Variants in CFAP46 observed in about 807,000 individuals in gnomAD.
CFAP46 encodes cilia- and flagella-associated protein 46.
Under a neutral mutation model 325.7 loss-of-function variants are expected in CFAP46, and 245 were observed. That is an observed-to-expected ratio of 0.75 (90% CI 0.68 to 0.84). The LOEUF is 0.84. Among genes scored for constraint, CFAP46 ranks in the 40% least tolerant of loss-of-function variants. The pLI, the probability that CFAP46 is intolerant of heterozygous loss-of-function variation, is 0.00. For missense variants in CFAP46, 3,346 were observed against 3,543.0 expected (o/e 0.94, Z 1.41); for synonymous variants, 1,523 against 1,495.9 (o/e 1.02, Z -0.42).
chr10:132,841,872 G>T (rs748769834), intron 44 of CFAP46, among the ~76,000 whole-genome samples: 46 of 152,220 alleles, frequency 3.0e-4, no homozygotes, highest in Admixed American at 7.2e-4. Flanking sequence ...ATCCACCAGT[G>T]CAATTCTGCC....
At chr10:132,871,260 A>C (rs1157415613) in intron 32 of CFAP46, among the ~76,000 whole-genome samples, 1 of 152,240 alleles carries the variant, frequency 6.6e-6, no homozygotes, top group Non-Finnish European at 1.5e-5. Context: ...GGAGACATAC[A>C]AGGAGACGAA....
At chr10:132,903,277 G>T (rs968929359) in intron 22 of CFAP46, among the ~76,000 whole-genome samples, 1 of 152,174 alleles carries the variant, frequency 6.6e-6, no homozygotes, top group Non-Finnish European at 1.5e-5. Flanking sequence ...CCTGTTTTCT[G>T]CCAGGCCTGG....
At chr10:132,922,426 G>T in intron 12 of CFAP46, 54 bp downstream of exon 12, 1 of 1,492,460 alleles carries the variant, frequency 6.7e-7, no homozygotes. Flanking sequence ...GCCCCGCCCC[G>T]GCCCCATGCT....
intron 50 of CFAP46, among the ~76,000 whole-genome samples, chr10:132,823,676 CTGTGTGCTGA>C (rs1224470164): frequency 9.4e-3 from 984 of 104,710 alleles, no homozygotes; most frequent in South Asian, 0.021. Flanking sequence ...CTGATGTGTG[CTGTGTGCTGA>C]TGTGTGCTGA....
intron 44 of CFAP46, 22 bp from the exon 45 acceptor site, chr10:132,836,936 T>C (rs3750580): frequency 0.39 from 619,052 of 1,580,576 alleles, 125,791 homozygotes; most frequent in Admixed American, 0.58. Flanking sequence ...AAAACGGCCA[T>C]CAGGGGATGC....
At chr10:132,867,337 G>A (rs1283683210) in intron 34 of CFAP46, 38 bp downstream of exon 34, 14 of 1,533,032 alleles carry the variant, frequency 9.1e-6, no homozygotes, top group African/African-American at 1.4e-5. Context: ...GGCGCCCGCT[G>A]GGCTGCGGGT....
intron 44 of CFAP46, 37 bp from the exon 45 acceptor site, chr10:132,836,951 A>G (rs1848260223): frequency 7.0e-7 from 1 of 1,424,430 alleles, no homozygotes; most frequent in Non-Finnish European, 9.9e-7. Context: ...GGATGCATTT[A>G]GGACGCAAGG....
At position 132,908,541 on chromosome 10, in the gene CFAP46, C is replaced by A; in HGVS notation, c.2851G>T (p.Asp951Tyr). Residue 951 changes from aspartate (D) to tyrosine (Y), a missense_variant, in exon 22 of 58, where the codon GAC (aspartate) becomes TAC (tyrosine). Coordinates refer to ENST00000368586, the MANE Select transcript of CFAP46 (RefSeq NM_001200049.3). Reference protein sequence around the residue: ...RLTHFAHAARDHETTMACAHR... With the variant: ...RLTHFAHAARYHETTMACAHR... The stretch of plus-strand genomic sequence containing the variant: ...GCACAGGCCATGGTGGTCTCATGGT[C>A]ACGCGCTGCATGGGCGAAGTGGGTC... 6.4e-7 allele frequency: 1 copy of A among 1,550,570 alleles called. No homozygotes were observed. Among genetic ancestry groups the A allele is most frequent in the Non-Finnish European group, 8.7e-7 (1 of 1,147,002 alleles).
At position 132,937,050 on chromosome 10, in the gene CFAP46, A is replaced by C; in HGVS notation, c.666T>G (p.Arg222=). The C allele has an allele frequency of 2.7e-6, 4 of 1,503,474 alleles. No individual in the cohort carries two copies. The allele number at this position is 1,503,474 out of a possible 1,614,324, so 93.1% of individuals were successfully genotyped here. A position where few individuals can be genotyped will look rare whatever the true frequency, so the allele number is the denominator to read the frequency against. ...ACTGAAGTTCGTCCATTAATTCATGACGAACCTGTCATAAAATGGAGCAGA... is the reference window on the plus strand; with the variant it reads ...ACTGAAGTTCGTCCATTAATTCATGCCGAACCTGTCATAAAATGGAGCAGA... ...KYRQIFSVMV[R]HELMDELQLK... Residue 222 remains arginine (R), a synonymous_variant, in exon 7 of 58, where the codon CGT becomes CGG. Transcript: ENST00000368586.
chr10:132,924,985 A>C (rs2135638966), intron 10 of CFAP46, 99 bp from the exon 11 acceptor site: 1 of 975,926 alleles, frequency 1.0e-6, no homozygotes, highest in African/African-American at 1.7e-5. Flanking sequence ...CGCAGGCCCT[A>C]AATTCATCAC....
intron 33 of CFAP46, among the ~76,000 whole-genome samples, chr10:132,868,925 C>A (rs1488844411): frequency 6.6e-6 from 1 of 152,214 alleles, no homozygotes; most frequent in Non-Finnish European, 1.5e-5. Flanking sequence ...CTGAAGGCTG[C>A]CGGAGACGGG....
rs576959780 is a variant in CFAP46 at position 132,920,272 on chromosome 10, C to G, written c.1607-90G>C. The G allele has an allele frequency of 1.1e-5, 16 of 1,402,144 alleles. No individual in the cohort carries two copies. The East Asian group carries it at 4.3e-4, about 38-fold the overall frequency. 86.9% of individuals were successfully genotyped at this position (1,402,144 alleles called of 1,614,324 possible). ...AGTAACCAATGCCCTGCGCCGGCGC[C>G]GGGGTGGCCACCCACAGGTAGCGGC... On this transcript the variant is annotated intron_variant, in intron 13 of 57. Coordinates refer to ENST00000368586, the MANE Select transcript of CFAP46 (RefSeq NM_001200049.3).
At chr10:132,860,341 G>A in intron 37 of CFAP46, 76 bp downstream of exon 37, 2 of 1,143,796 alleles carry the variant, frequency 1.7e-6, no homozygotes, top group Non-Finnish European at 2.6e-6. Flanking sequence ...CTTGACGTAT[G>A]GCACAAAAAT....
intron 44 of CFAP46, among the ~76,000 whole-genome samples, chr10:132,843,651 T>TG (rs1309212561): frequency 9.2e-5 from 11 of 119,644 alleles, no homozygotes; most frequent in South Asian, 3.4e-4. Flanking sequence ...GCTGTGGGGC[T>TG]CTGGTCTCGG....
chr10:132,898,530 T>A, intron 24 of CFAP46: 1 of 315,006 alleles, frequency 3.2e-6, no homozygotes, highest in East Asian at 8.7e-5. Context: ...CACCCCACTC[T>A]GCCTTAAGCC....
intron 22 of CFAP46, among the ~76,000 whole-genome samples, chr10:132,905,062 C>A (rs1042642015): frequency 6.6e-6 from 1 of 152,240 alleles, no homozygotes; most frequent in African/African-American, 2.4e-5. Flanking sequence ...CCACGCTTCC[C>A]TTAGCTCGTC....
chr10:132,808,427 CA>C lies in CFAP46; in HGVS notation c.8141del (p.Leu2714Ter). The C allele has an allele frequency of 6.2e-7, 1 of 1,600,130 alleles. No individual in the cohort carries two copies. The highest frequency in any genetic ancestry group is 8.6e-7 in the Non-Finnish European group (1 of 1,169,582). ...QKTIQTVSLFLI is the reference protein window; with the variant it reads ...QKTIQTVSLFXI ...TGTTTGTTTAGTGGAACACTCAAAT[CA>C]AAAACAGGCTCACGGTCTGAATAGT... On this transcript the variant is annotated frameshift_variant, in exon 58 of 58. Transcript: ENST00000368586. LOFTEE classifies it high-confidence loss of function. This position sits in a 1 kb window ranked among gnomAD's most constrained non-coding sequence, Gnocchi z 6.8.
chr10:132,867,616 C>A lies in CFAP46; in HGVS notation c.4611-109G>T, dbSNP rs12258405. ...AAAACAGCCACAATTACATTCTTCACGCGCGTGTTTACAAAGATTTTTAAA... is the reference window on the plus strand; with the variant it reads ...AAAACAGCCACAATTACATTCTTCAAGCGCGTGTTTACAAAGATTTTTAAA... On this transcript the variant is annotated intron_variant, in intron 33 of 57. Transcript: ENST00000368586. The A allele has an allele frequency of 3.7e-6, 5 of 1,347,794 alleles. No individual in the cohort carries two copies. The African/African-American group carries it at 7.4e-5, about 20-fold the overall frequency. 83.5% of individuals were successfully genotyped at this position (1,347,794 alleles called of 1,614,324 possible). A position where few individuals can be genotyped will look rare whatever the true frequency, so the allele number is the denominator to read the frequency against.
intron 44 of CFAP46, among the ~76,000 whole-genome samples, chr10:132,844,103 G>C (rs1304609024): frequency 7.0e-6 from 1 of 143,192 alleles, no homozygotes; most frequent in African/African-American, 2.6e-5. Flanking sequence ...GTCTCGGTGG[G>C]TGTTCCCAGG....
Sources: allele counts gnomAD v4.1 joint callset (sites outside exome capture counted in the v4.1 genomes callset), GRCh38; gene constraint gnomAD v4.1.1; non-coding constraint Gnocchi (gnomAD v3.1); transcripts MANE v1.5; gene names NCBI Gene and HGNC (gene_info 2026-07-23, HGNC 2026-07-21).